DMRT1: variants seen among roughly 807,000 people sequenced by gnomAD.
The protein encoded by DMRT1 is doublesex- and mab-3-related transcription factor 1.
DMRT1 carries 7 observed loss-of-function variants against 32.3 expected under a neutral mutation model. That is an observed-to-expected ratio of 0.22 (90% CI 0.12 to 0.41). The LOEUF (loss-of-function observed/expected upper bound fraction) is 0.41. DMRT1 is among the 10% of genes least tolerant of loss of function. The pLI, the probability that DMRT1 is intolerant of heterozygous loss-of-function variation, is 1.00. For synonymous variants in DMRT1, 278 were observed against 206.1 expected, an observed-to-expected ratio of 1.35 and a Z score of -2.99; for missense variants, 625 against 500.5, an observed-to-expected ratio of 1.25 and a Z score of -2.37.
At chr9:871,092 A>G (rs945288487) in intron 2 of DMRT1, among the ~76,000 whole-genome samples, 5 of 150,026 alleles carry the variant, frequency 3.3e-5, no homozygotes, top group South Asian at 2.1e-4. Flanking sequence ...CTGGAGTGCA[A>G]TGGGGCAATC....
At chr9:843,532 G>A (rs1173542947) in intron 1 of DMRT1, among the ~76,000 whole-genome samples, 1 of 152,200 alleles carries the variant, frequency 6.6e-6, no homozygotes, top group East Asian at 1.9e-4. Context: ...GATTTGGTCC[G>A]TCTGTGGTTT....
chr9:860,656 T>G (rs367815174), intron 2 of DMRT1, among the ~76,000 whole-genome samples: 2 of 152,118 alleles, frequency 1.3e-5, no homozygotes, highest in African/African-American at 4.8e-5. Context: ...ATATTTGCAG[T>G]AAGTGGTAAG....
At chr9:860,066 G>T (rs1005359570) in intron 2 of DMRT1, among the ~76,000 whole-genome samples, 47 of 152,186 alleles carry the variant, frequency 3.1e-4, no homozygotes, top group African/African-American at 1.1e-3. Context: ...GGAGGCCGAG[G>T]TGGGTGGATC....
rs1307468911 is a variant in DMRT1, at chr9:965,941, C to A, written c.968-2044C>A. On this transcript the variant is annotated intron_variant, in intron 4 of 4. Transcript: ENST00000382276. The surrounding 1 kb of genome is among the most constrained non-coding windows in gnomAD (Gnocchi z 4.5). ...ATACCTCACTAAAGTATGTGTGTGG[C>A]ATACAGGTAGTAGTCAGTAATGTTT... Among the ~76,000 whole-genome samples the A allele has an allele frequency of 6.6e-6, 1 of 152,140 alleles. No homozygotes were observed. The highest frequency in any genetic ancestry group is 2.4e-5 in the African/African-American group (1 of 41,428).
At chr9:924,926 C>T (rs1274842871) in intron 4 of DMRT1, among the ~76,000 whole-genome samples, 1 of 152,122 alleles carries the variant, frequency 6.6e-6, no homozygotes, top group Non-Finnish European at 1.5e-5. Context: ...AAAGAGCACC[C>T]CACAAGGCAA....
intron 4 of DMRT1, among the ~76,000 whole-genome samples, chr9:940,924 C>A (rs1036601575): frequency 1.3e-5 from 2 of 152,098 alleles, no homozygotes; most frequent in African/African-American, 4.8e-5. Context: ...ATGGCTAATA[C>A]GCATATGAAA....
At chr9:846,021 C>T (rs541428142) in intron 1 of DMRT1, among the ~76,000 whole-genome samples, 31 of 146,338 alleles carry the variant, frequency 2.1e-4, no homozygotes, top group South Asian at 1.3e-3. Flanking sequence ...TGTTTGCCTC[C>T]TGTTTTTGCC....
intron 2 of DMRT1, among the ~76,000 whole-genome samples, chr9:891,034 A>C (rs1817128507): frequency 6.6e-6 from 1 of 151,896 alleles, no homozygotes; most frequent in Non-Finnish European, 1.5e-5. Flanking sequence ...CTCAGCCTTA[A>C]ACCTTTTTAG....
chr9:866,864 C>T (rs987800982), intron 2 of DMRT1, among the ~76,000 whole-genome samples: 28 of 152,250 alleles, frequency 1.8e-4, no homozygotes, highest in African/African-American at 6.5e-4. Flanking sequence ...TTATGAGTTA[C>T]AGGAGGAAGG....
chr9:931,378 T>C (rs892743945), intron 4 of DMRT1, among the ~76,000 whole-genome samples: 2 of 152,196 alleles, frequency 1.3e-5, no homozygotes, highest in Non-Finnish European at 2.9e-5. Flanking sequence ...ATGTAATGAG[T>C]AGAACCTCTT....
intron 4 of DMRT1, among the ~76,000 whole-genome samples, chr9:935,856 T>A (rs1322225250): frequency 6.6e-6 from 1 of 152,236 alleles, no homozygotes; most frequent in Non-Finnish European, 1.5e-5. Context: ...AGATGATTTG[T>A]TCATTTTTTA....
intron 3 of DMRT1, among the ~76,000 whole-genome samples, chr9:903,021 C>G (rs142102727): frequency 1.1e-4 from 17 of 152,300 alleles, no homozygotes; most frequent in Non-Finnish European, 2.1e-4. Flanking sequence ...TTAAAGCTGT[C>G]ATGTTCCCTG....
intron 2 of DMRT1, among the ~76,000 whole-genome samples, chr9:861,537 C>T (rs1341264296): frequency 2.0e-5 from 3 of 152,182 alleles, no homozygotes; most frequent in Non-Finnish European, 2.9e-5. Context: ...TCGACAAAAC[C>T]GCCATTGTCA....
At chr9:887,646 A>G (rs766708003) in intron 2 of DMRT1, among the ~76,000 whole-genome samples, 47 of 151,724 alleles carry the variant, frequency 3.1e-4, no homozygotes, top group Admixed American at 3.3e-4. Context: ...TCATGACTCT[A>G]TTGGTATTAT....
intron 3 of DMRT1, 97 bp from the exon 4 acceptor site, chr9:916,666 C>T: frequency 6.8e-7 from 1 of 1,481,028 alleles, no homozygotes; most frequent in Non-Finnish European, 9.4e-7. Context: ...GCCACTGTGC[C>T]CAGCCTGTTA....
chr9:841,725 A>C lies in DMRT1; in HGVS notation c.-114A>C. The C allele has an allele frequency of 1.9e-6, 3 of 1,544,014 alleles. No homozygotes were observed. The highest frequency in any genetic ancestry group is 2.6e-6 in the Non-Finnish European group (3 of 1,145,994). Reference sequence around the variant, plus strand: ...CCAGCTGCGCCTCCGGCTGCAGCGCACACGTCTCCTGCGCCTCCTCCTCCG... The same window carrying C: ...CCAGCTGCGCCTCCGGCTGCAGCGCCCACGTCTCCTGCGCCTCCTCCTCCG... On this transcript the variant is annotated 5_prime_UTR_variant, in exon 1 of 5. Coordinates refer to ENST00000382276, the MANE Select transcript of DMRT1 (RefSeq NM_021951.3).
intron 1 of DMRT1, among the ~76,000 whole-genome samples, chr9:845,501 C>A (rs745438370): frequency 6.6e-6 from 1 of 152,136 alleles, no homozygotes; most frequent in Admixed American, 6.6e-5. Context: ...AGCAACCCCG[C>A]CTGGCCTTTT....
chr9:896,020 G>C (rs1198998452), intron 3 of DMRT1, among the ~76,000 whole-genome samples: 1 of 151,744 alleles, frequency 6.6e-6, no homozygotes, highest in East Asian at 2.0e-4. Flanking sequence ...GGCCACGATG[G>C]TCTGTATCTC....
chr9:905,171 C>G (rs1817724940), intron 3 of DMRT1, among the ~76,000 whole-genome samples: 1 of 152,158 alleles, frequency 6.6e-6, no homozygotes, highest in Non-Finnish European at 1.5e-5. Flanking sequence ...AGTGCACCCC[C>G]TTACTGCCTC....
Sources: gnomAD v4.1 joint callset for allele counts (sites outside exome capture counted in the v4.1 genomes callset) on GRCh38, gnomAD v4.1.1 for gene constraint, Gnocchi (gnomAD v3.1) non-coding constraint, MANE v1.5 for transcripts, NCBI Gene and HGNC (gene_info 2026-07-23, HGNC 2026-07-21) for gene names.